AKAP19: variants seen among roughly 807,000 people sequenced by gnomAD.
The protein encoded by AKAP19 is A-kinase anchoring protein 19.
chr2:189,953,244 T>G, the AKAP19 span, among the ~76,000 whole-genome samples: 1 of 152,156 alleles, frequency 6.6e-6, no homozygotes, highest in African/African-American at 2.4e-5. Context: ...GTAGAGTGGT[T>G]GGCATATAGG....
At chr2:190,171,411 C>G in the AKAP19 span, among the ~76,000 whole-genome samples, 1 of 152,074 alleles carries the variant, frequency 6.6e-6, no homozygotes, top group Admixed American at 6.6e-5. Flanking sequence ...CTATTCTATT[C>G]AACTTTTCAA....
the AKAP19 span, among the ~76,000 whole-genome samples, chr2:189,946,445 A>T: frequency 2.0e-5 from 3 of 152,060 alleles, no homozygotes; most frequent in African/African-American, 7.2e-5. Context: ...GCCTCTAGAA[A>T]TTTTTTTCTT....
At chr2:190,031,079 C>T in the AKAP19 span, among the ~76,000 whole-genome samples, 1 of 152,162 alleles carries the variant, frequency 6.6e-6, no homozygotes, top group Non-Finnish European at 1.5e-5. Flanking sequence ...TGCTGAGAAA[C>T]AGAAGTGAGG....
the AKAP19 span, among the ~76,000 whole-genome samples, chr2:190,017,216 A>G: frequency 1.3e-5 from 2 of 152,008 alleles, no homozygotes; most frequent in Admixed American, 1.3e-4. Flanking sequence ...ATTGGGTCTT[A>G]TTTATTTATC....
chr2:189,896,651 C>T, the AKAP19 span, among the ~76,000 whole-genome samples: 2 of 152,002 alleles, frequency 1.3e-5, no homozygotes, highest in Non-Finnish European at 2.9e-5. Context: ...AGGGAGAAAA[C>T]ATAATATGAA....
chr2:190,146,490 G>C, the AKAP19 span, among the ~76,000 whole-genome samples: 1 of 152,164 alleles, frequency 6.6e-6, no homozygotes, highest in Non-Finnish European at 1.5e-5. Context: ...TTTGAATTAT[G>C]ACTTATTTTC....
the AKAP19 span, among the ~76,000 whole-genome samples, chr2:190,109,625 A>C: frequency 6.6e-6 from 1 of 152,060 alleles, no homozygotes; most frequent in Non-Finnish European, 1.5e-5. Flanking sequence ...AGACCTAAAT[A>C]ATCATCAAGT....
chr2:189,918,083 TA>T, the AKAP19 span, among the ~76,000 whole-genome samples: 1 of 152,010 alleles, frequency 6.6e-6, no homozygotes, highest in East Asian at 1.9e-4. Flanking sequence ...TACCTCCCTT[TA>T]TGTTTTTTTT....
At chr2:189,981,945 C>G in the AKAP19 span, among the ~76,000 whole-genome samples, 1 of 152,126 alleles carries the variant, frequency 6.6e-6, no homozygotes, top group Non-Finnish European at 1.5e-5. Flanking sequence ...TTTCTTCTTT[C>G]ACATTGACCT....
chr2:190,183,528 T>C, the AKAP19 span, among the ~76,000 whole-genome samples: 1 of 152,192 alleles, frequency 6.6e-6, no homozygotes. Context: ...CCCCTCATTT[T>C]TCCTTGTTTA....
chr2:190,034,172 T>C, the AKAP19 span, among the ~76,000 whole-genome samples: 2 of 151,980 alleles, frequency 1.3e-5, no homozygotes, highest in Non-Finnish European at 2.9e-5. Flanking sequence ...AAGATGTTTA[T>C]CAAGTCAATT....
At chr2:190,107,553 T>C in the AKAP19 span, among the ~76,000 whole-genome samples, 1 of 152,226 alleles carries the variant, frequency 6.6e-6, no homozygotes, top group South Asian at 2.1e-4. Flanking sequence ...AGGAGTAGGC[T>C]ATTTAGATGA....
the AKAP19 span, among the ~76,000 whole-genome samples, chr2:189,937,549 T>C: frequency 6.6e-6 from 1 of 152,098 alleles, no homozygotes; most frequent in East Asian, 1.9e-4. Context: ...ACAAAATCTT[T>C]GAGCAAAACT....
chr2:189,887,350 G>T, the AKAP19 span, among the ~76,000 whole-genome samples: 1 of 152,156 alleles, frequency 6.6e-6, no homozygotes, highest in Non-Finnish European at 1.5e-5. Context: ...GTGTATATGT[G>T]CCACATTTTC....
At chr2:189,954,085 G>T in the AKAP19 span, among the ~76,000 whole-genome samples, 1 of 152,184 alleles carries the variant, frequency 6.6e-6, no homozygotes, top group Non-Finnish European at 1.5e-5. Context: ...CAGTGGGAAG[G>T]CAAGAGAAGG....
the AKAP19 span, chr2:189,923,425 A>T: frequency 6.2e-7 from 1 of 1,613,868 alleles, no homozygotes; most frequent in Non-Finnish European, 8.5e-7. Context: ...TGGTCAAGAA[A>T]TCTGATGTGG....
the AKAP19 span, among the ~76,000 whole-genome samples, chr2:190,007,444 T>C: frequency 6.6e-6 from 1 of 151,908 alleles, no homozygotes; most frequent in Non-Finnish European, 1.5e-5. Context: ...ATGGGGAATT[T>C]CTCTGTTTTC....
At chr2:190,140,077 G>T in the AKAP19 span, among the ~76,000 whole-genome samples, 1 of 152,150 alleles carries the variant, frequency 6.6e-6, no homozygotes, top group Non-Finnish European at 1.5e-5. Flanking sequence ...TCTGAAATCC[G>T]ATGGGTCAGT....
At chr2:190,093,056 C>T in the AKAP19 span, among the ~76,000 whole-genome samples, 1 of 152,222 alleles carries the variant, frequency 6.6e-6, no homozygotes, top group South Asian at 2.1e-4. Context: ...GAAGAAACTT[C>T]AAACCATAGG....
Sources: gnomAD v4.1 joint callset for allele counts (sites outside exome capture counted in the v4.1 genomes callset) on GRCh38, gnomAD v4.1.1 for gene constraint, MANE v1.5 for transcripts, NCBI Gene and HGNC (gene_info 2026-07-23, HGNC 2026-07-21) for gene names.